CSMD1: variants seen among roughly 807,000 people sequenced by gnomAD.
CSMD1 encodes the protein CUB and sushi domain-containing protein 1.
A neutral mutation model predicts 417.5 loss-of-function variants in CSMD1; 213 were observed. That is an observed-to-expected ratio of 0.51 (90% CI 0.46 to 0.57). CSMD1 has a LOEUF of 0.57. CSMD1 is among the 20% of genes least tolerant of loss of function. The pLI, the probability that CSMD1 is intolerant of heterozygous loss-of-function variation, is 0.00. For synonymous variants in CSMD1, 2,862 were observed against 1,736.8 expected, an observed-to-expected ratio of 1.65 and a Z score of -16.11; for missense variants, 6,923 against 4,529.7, an observed-to-expected ratio of 1.53 and a Z score of -15.17.
intron 5 of CSMD1, among the ~76,000 whole-genome samples, chr8:3,843,083 G>T (rs920346679): frequency 6.6e-6 from 1 of 151,990 alleles, no homozygotes. Flanking sequence ...TTTCAGTATC[G>T]TTTTCTCTTT....
chr8:4,367,335 A>T (rs987338430), intron 3 of CSMD1, among the ~76,000 whole-genome samples: 5 of 152,002 alleles, frequency 3.3e-5, no homozygotes, highest in Non-Finnish European at 5.9e-5. Context: ...CCATTGTCTG[A>T]TATTGTCAAC....
At chr8:4,345,713 G>A (rs76800752) in intron 3 of CSMD1, among the ~76,000 whole-genome samples, 2 of 152,140 alleles carry the variant, frequency 1.3e-5, no homozygotes, top group African/African-American at 4.8e-5. Flanking sequence ...AAGGCTCAAC[G>A]TCATGAATTA....
At chr8:3,675,287 G>C (rs1034423181) in intron 7 of CSMD1, among the ~76,000 whole-genome samples, 2 of 152,160 alleles carry the variant, frequency 1.3e-5, no homozygotes, top group African/African-American at 4.8e-5. Flanking sequence ...TGCTCCTGGA[G>C]GGTTGGCAGC....
At chr8:3,670,929 G>A (rs1010115842) in intron 7 of CSMD1, among the ~76,000 whole-genome samples, 2 of 144,664 alleles carry the variant, frequency 1.4e-5, no homozygotes, top group African/African-American at 5.0e-5. Flanking sequence ...TATGTATATG[G>A]GATATATATG....
At chr8:4,226,237 A>G (rs1220854934) in intron 3 of CSMD1, among the ~76,000 whole-genome samples, 2 of 152,200 alleles carry the variant, frequency 1.3e-5, no homozygotes, top group Middle Eastern at 3.2e-3. Context: ...AGCAAAAACA[A>G]AAAGTAAAAT....
rs192511780 is a variant in CSMD1, at chr8:3,679,649, A to G, written c.1009+28765T>C. 4.6e-3 allele frequency among the ~76,000 whole-genome samples: 708 copies of G among 152,284 alleles called. 9 individuals are homozygous for G. Among genetic ancestry groups the G allele is most frequent in the African/African-American group, 0.016 (672 of 41,548 alleles). On this transcript the variant is annotated intron_variant, in intron 7 of 69. Coordinates refer to ENST00000635120, the MANE Select transcript of CSMD1 (RefSeq NM_033225.6). Reference sequence around the variant, plus strand: ...AACAAGACAGCAAGTTAACAAGGATATCCAGGAATTGAACTGAGCTCTGCA... The same window carrying G: ...AACAAGACAGCAAGTTAACAAGGATGTCCAGGAATTGAACTGAGCTCTGCA...
intron 7 of CSMD1, among the ~76,000 whole-genome samples, chr8:3,622,529 G>A (rs367870181): frequency 1.3e-5 from 2 of 152,102 alleles, no homozygotes; most frequent in African/African-American, 4.8e-5. Context: ...AAAACACTCT[G>A]GATCTTTTTA....
At chr8:4,123,761 A>G (rs1355342420) in intron 3 of CSMD1, among the ~76,000 whole-genome samples, 1 of 152,196 alleles carries the variant, frequency 6.6e-6, no homozygotes, top group Non-Finnish European at 1.5e-5. Flanking sequence ...TGCTGTGATA[A>G]TTTACTGATG....
chr8:4,070,600 A>G (rs528867346), intron 3 of CSMD1, among the ~76,000 whole-genome samples: 28 of 151,984 alleles, frequency 1.8e-4, no homozygotes, highest in South Asian at 1.0e-3. Flanking sequence ...CTCGTGATCC[A>G]CCCACCTCGG....
intron 1 of CSMD1, among the ~76,000 whole-genome samples, chr8:4,971,986 C>T (rs1810266883): frequency 6.6e-6 from 1 of 151,992 alleles, no homozygotes; most frequent in South Asian, 2.1e-4. Context: ...TAGTGATCAA[C>T]ATTTATCTTC....
At chr8:3,164,563 A>G (rs915790902) in intron 37 of CSMD1, among the ~76,000 whole-genome samples, 10 of 152,226 alleles carry the variant, frequency 6.6e-5, no homozygotes, top group African/African-American at 1.4e-4. Flanking sequence ...ACCACATATT[A>G]GCAAGGTCAT....
chr8:4,599,430 G>A (rs1381955093), intron 2 of CSMD1, among the ~76,000 whole-genome samples: 2 of 151,472 alleles, frequency 1.3e-5, no homozygotes, highest in African/African-American at 2.4e-5. Context: ...ATCCTAAATT[G>A]GAGTAAATTG....
intron 3 of CSMD1, among the ~76,000 whole-genome samples, chr8:4,120,921 A>T (rs1391323187): frequency 6.6e-6 from 1 of 152,132 alleles, no homozygotes; most frequent in Non-Finnish European, 1.5e-5. Flanking sequence ...TTCTGTTCCT[A>T]TGTGCCTGAA....
chr8:3,724,232 T>C lies in CSMD1; in HGVS notation c.932-15741A>G, dbSNP rs535881371. On this transcript the variant is annotated intron_variant, in intron 6 of 69. Coordinates refer to ENST00000635120, the MANE Select transcript of CSMD1 (RefSeq NM_033225.6). ...TATTATTATACTTTAAGTTTTAGGG[T>C]ACATGTGCACATTGTGCAGGTTAGT... is the stretch of plus-strand genomic sequence containing the variant. Among the ~76,000 whole-genome samples the C allele has an allele frequency of 1.6e-4, 25 of 152,026 alleles. No homozygotes were observed. In the South Asian group the frequency reaches 5.2e-3, roughly 32 times the overall value.
intron 7 of CSMD1, among the ~76,000 whole-genome samples, chr8:3,640,695 G>C (rs11136647): frequency 0.49 from 74,322 of 151,770 alleles, 18,386 homozygotes; most frequent in Middle Eastern, 0.63. Flanking sequence ...AGGAGAGTGT[G>C]TGTCTATAAA....
intron 12 of CSMD1, among the ~76,000 whole-genome samples, chr8:3,435,053 G>A (rs573556271): frequency 6.6e-6 from 1 of 152,136 alleles, no homozygotes. Context: ...GAGGACAGAA[G>A]CCCCTGGTGG....
chr8:4,915,259 A>G (rs1805972844), intron 1 of CSMD1, among the ~76,000 whole-genome samples: 1 of 152,168 alleles, frequency 6.6e-6, no homozygotes, highest in Non-Finnish European at 1.5e-5. Context: ...AATCTAACAC[A>G]AATACTCCAA....
chr8:3,850,552 G>A (rs559521617), intron 5 of CSMD1, among the ~76,000 whole-genome samples: 16 of 152,092 alleles, frequency 1.1e-4, no homozygotes, highest in African/African-American at 2.2e-4. Flanking sequence ...AAAATTAGCC[G>A]GGCATGATGG....
chr8:3,656,110 T>C (rs1798089651), intron 7 of CSMD1, among the ~76,000 whole-genome samples: 1 of 152,168 alleles, frequency 6.6e-6, no homozygotes. Flanking sequence ...CAGAAGATCA[T>C]GGGGTGCGCA....
Sources: allele counts gnomAD v4.1 joint callset (sites outside exome capture counted in the v4.1 genomes callset), GRCh38; gene constraint gnomAD v4.1.1; transcripts MANE v1.5; gene names NCBI Gene and HGNC (gene_info 2026-07-23, HGNC 2026-07-21).